The following FNTB variants were observed in gnomAD, a reference collection of about 807,000 sequenced individuals.
FNTB encodes farnesyltransferase, CAAX box, subunit beta, also known as protein farnesyltransferase subunit beta.
FNTB carries 27 observed loss-of-function variants against 59.4 expected under a neutral mutation model. The ratio of observed to expected loss-of-function variants is 0.45; its 90% CI spans 0.34 to 0.63. The LOEUF (loss-of-function observed/expected upper bound fraction) is 0.63. Among genes scored for constraint, FNTB ranks in the 20% least tolerant of loss-of-function variants. FNTB has a pLI of 0.02. For missense variants in FNTB, 449 were observed against 559.6 expected (o/e 0.80, Z 1.99); for synonymous variants, 230 against 220.7 (o/e 1.04, Z -0.37).
chr14:65,050,499 G>A (rs1222996242), intron 9 of FNTB, among the ~76,000 whole-genome samples: 3 of 152,142 alleles, frequency 2.0e-5, no homozygotes, highest in Non-Finnish European at 4.4e-5. Flanking sequence ...GCTGAGACAG[G>A]AGAATGACTT....
In FNTB at chr14:65,029,865, C is replaced by T. The variant is rs1029206875; in HGVS notation, c.605+2084C>T. Reference sequence around the variant, plus strand: ...ATTGCAGTGATGGACTGTAGTGTTCCAATAAAAGCCCTCTGGTTTCAGGGC... The same window carrying T: ...ATTGCAGTGATGGACTGTAGTGTTCTAATAAAAGCCCTCTGGTTTCAGGGC... On this transcript the variant is annotated intron_variant, in intron 6 of 11. Coordinates refer to ENST00000246166, the MANE Select transcript of FNTB (RefSeq NM_002028.4). This position sits in a 1 kb window ranked among gnomAD's most constrained non-coding sequence, Gnocchi z 4.7. 6.6e-6 allele frequency among the ~76,000 whole-genome samples: 1 copy of T among 152,050 alleles called. No homozygotes were observed. The highest frequency in any genetic ancestry group is 6.6e-5 in the Admixed American group (1 of 15,258).
rs1158636140 is a variant in FNTB at position 64,986,939 on chromosome 14, G to A, written c.-15G>A. 6.2e-7 allele frequency: 1 copy of A among 1,614,036 alleles called. No individual in the cohort carries two copies. The highest frequency in any genetic ancestry group is 8.5e-7 in the Non-Finnish European group (1 of 1,179,992). ...CGAAGCAGAGTCCTACACACTGTCT[G>A]CTGCTCTCCTGATCATGGCTTCTCC... On this transcript the variant is annotated 5_prime_UTR_variant, in exon 1 of 12. Coordinates refer to ENST00000246166, the MANE Select transcript of FNTB (RefSeq NM_002028.4).
rs2062062024 is a variant in FNTB, at chr14:65,030,613, G to A, written c.606-1997G>A. The stretch of plus-strand genomic sequence containing the variant: ...AAAAATTAGCCAGGTGTGGTGGCAT[G>A]CATCTGTAGCCTCAGCTGCTTAGGA... On this transcript the variant is annotated intron_variant, in intron 6 of 11. Transcript: ENST00000246166. The surrounding 1 kb of genome is among the most constrained non-coding windows in gnomAD (Gnocchi z 4.5). Among the ~76,000 whole-genome samples the A allele has an allele frequency of 6.6e-6, 1 of 152,008 alleles. No individual in the cohort carries two copies. Among genetic ancestry groups the A allele is most frequent in the Non-Finnish European group, 1.5e-5 (1 of 67,986 alleles).
At chr14:64,993,488 T>C (rs1452583699) in intron 1 of FNTB, among the ~76,000 whole-genome samples, 1 of 152,242 alleles carries the variant, frequency 6.6e-6, no homozygotes, top group Non-Finnish European at 1.5e-5. Context: ...ATTGCAAAAC[T>C]TCCTACAGCA....
At position 65,008,981 on chromosome 14, in the gene FNTB, G is replaced by T. The variant is rs539479302; in HGVS notation, c.210-3336G>T. Reference sequence around the variant, plus strand: ...CCTCATCCACTTGAGCTGACAGCCTGCATCCCACCCTGCACCCCCTCAAGT... The same window carrying T: ...CCTCATCCACTTGAGCTGACAGCCTTCATCCCACCCTGCACCCCCTCAAGT... On this transcript the variant is annotated intron_variant, in intron 2 of 11. Coordinates refer to ENST00000246166, the MANE Select transcript of FNTB (RefSeq NM_002028.4). 3.3e-5 allele frequency among the ~76,000 whole-genome samples: 5 copies of T among 152,266 alleles called. No individual in the cohort carries two copies. The South Asian group carries it at 1.0e-3, about 32-fold the overall frequency.
At chr14:65,039,915 G>A (rs1000009374) in intron 7 of FNTB, among the ~76,000 whole-genome samples, 3 of 152,212 alleles carry the variant, frequency 2.0e-5, no homozygotes, top group Admixed American at 6.6e-5. Context: ...GAGGCCAAGT[G>A]CGGTGGCCCA....
At chr14:65,049,679 A>G (rs2062564043) in intron 9 of FNTB, among the ~76,000 whole-genome samples, 1 of 152,174 alleles carries the variant, frequency 6.6e-6, no homozygotes, top group South Asian at 2.1e-4. Flanking sequence ...ACAGGTTATC[A>G]TTTACCTTAT....
chr14:65,055,585 T>C (rs1227217452), intron 11 of FNTB, among the ~76,000 whole-genome samples: 1 of 152,070 alleles, frequency 6.6e-6, no homozygotes, highest in Non-Finnish European at 1.5e-5. Flanking sequence ...GGCATGATAT[T>C]GGCTCACTGC....
At position 65,014,455 on chromosome 14, in the gene FNTB, A is replaced by T. The variant is rs988275240; in HGVS notation, c.283-1170A>T. Among the ~76,000 whole-genome samples, 1 of 152,078 alleles carries T rather than the reference A, an allele frequency of 6.6e-6. No homozygotes were observed. The highest frequency in any genetic ancestry group is 1.5e-5 in the Non-Finnish European group (1 of 68,006). Reference sequence around the variant, plus strand: ...TCCAGAAAGACATGAGGTAACTTATATGTCTGTCCAGTGCTCTCTTCCCCT... The same window carrying T: ...TCCAGAAAGACATGAGGTAACTTATTTGTCTGTCCAGTGCTCTCTTCCCCT... On this transcript the variant is annotated intron_variant, in intron 3 of 11. Coordinates refer to ENST00000246166, the MANE Select transcript of FNTB (RefSeq NM_002028.4). The surrounding 1 kb of genome is among the most constrained non-coding windows in gnomAD (Gnocchi z 5.1).
Position 65,023,308 on chromosome 14 carries a change from C to T in FNTB, c.375-4145C>T, listed in dbSNP as rs2061921362. Among the ~76,000 whole-genome samples the T allele has an allele frequency of 1.3e-5, 2 of 152,272 alleles. No homozygotes were observed. The highest frequency in any genetic ancestry group is 6.8e-3 in the Middle Eastern group (2 of 294). ...TCCTGAGCTCAAGTGATCCCCCTCA[C>T]CTCAGCCAAAGTGCTGGGATTACAG... On this transcript the variant is annotated intron_variant, in intron 4 of 11. Transcript: ENST00000246166. The surrounding 1 kb of genome is among the most constrained non-coding windows in gnomAD (Gnocchi z 4.1).
intron 9 of FNTB, among the ~76,000 whole-genome samples, chr14:65,050,479 T>C (rs566245267): frequency 1.8e-4 from 28 of 152,150 alleles, no homozygotes; most frequent in African/African-American, 6.5e-4. Context: ...TAATCCAAGG[T>C]ACTCAGGAGG....
chr14:65,000,588 A>T (rs2139470023), intron 1 of FNTB, among the ~76,000 whole-genome samples: 1 of 152,236 alleles, frequency 6.6e-6, no homozygotes, highest in Middle Eastern at 3.4e-3. Context: ...TGGGAGGCTG[A>T]GACCGGCAGA....
chr14:64,988,563 T>C (rs945813714), intron 1 of FNTB, among the ~76,000 whole-genome samples: 2 of 150,262 alleles, frequency 1.3e-5, no homozygotes, highest in African/African-American at 4.9e-5. Context: ...GCCTCCAGAG[T>C]AGCTGAGACT....
At chr14:65,017,450 G>C (rs888405028) in intron 4 of FNTB, among the ~76,000 whole-genome samples, 1 of 152,144 alleles carries the variant, frequency 6.6e-6, no homozygotes, top group Non-Finnish European at 1.5e-5. Flanking sequence ...GAATCACAGG[G>C]GGTGCCTGAG....
At chr14:65,020,194 A>G (rs949166622) in intron 4 of FNTB, among the ~76,000 whole-genome samples, 4 of 152,248 alleles carry the variant, frequency 2.6e-5, no homozygotes, top group African/African-American at 4.8e-5. Context: ...GTCAGCTGCT[A>G]TGACCGCTGA....
intron 9 of FNTB, among the ~76,000 whole-genome samples, chr14:65,051,949 C>T (rs372013226): frequency 5.9e-4 from 90 of 152,010 alleles, no homozygotes; most frequent in African/African-American, 2.1e-3. Context: ...CGCCCACCAC[C>T]ATGTCCGGCT....
At chr14:65,043,705 C>T (rs1238430073) in intron 8 of FNTB, among the ~76,000 whole-genome samples, 1 of 151,096 alleles carries the variant, frequency 6.6e-6, no homozygotes, top group Non-Finnish European at 1.5e-5. Context: ...GCCTGTGGTC[C>T]CAGCTACTCG....
intron 9 of FNTB, among the ~76,000 whole-genome samples, chr14:65,051,876 A>G (rs1252174690): frequency 2.0e-5 from 3 of 148,452 alleles, no homozygotes; most frequent in East Asian, 2.0e-4. Context: ...CTCACTGCAA[A>G]CTCCGCCTCC....
In FNTB at chr14:65,006,156, C is replaced by CTTT. The variant is rs367570902; in HGVS notation, c.209+1858_209+1860dup. On this transcript the variant is annotated intron_variant, in intron 2 of 11. Transcript: ENST00000246166. ...CCAGCTTTGTTTGTTACCTTTGTGTCTTTTTTTTTTTTTTTTTGCCACCAT... is the reference window on the plus strand; with the variant it reads ...CCAGCTTTGTTTGTTACCTTTGTGTCTTTTTTTTTTTTTTTTTTTTGCCACCAT... 1,380 of 1,498,822 alleles carry CTTT rather than the reference C, an allele frequency of 9.2e-4. 3 individuals are homozygous for CTTT. The highest frequency in any genetic ancestry group is 2.1e-3 in the African/African-American group (136 of 66,244). The allele number at this position is 1,498,822 out of a possible 1,614,324, so 92.8% of individuals were successfully genotyped here.
Sources: allele counts gnomAD v4.1 joint callset (sites outside exome capture counted in the v4.1 genomes callset), GRCh38; gene constraint gnomAD v4.1.1; non-coding constraint Gnocchi (gnomAD v3.1); transcripts MANE v1.5; gene names NCBI Gene and HGNC (gene_info 2026-07-23, HGNC 2026-07-21).